Variants in SLC4A7 observed in about 807,000 individuals in gnomAD.
SLC4A7 encodes the protein solute carrier family 4 member 7.
Under a neutral mutation model 137.6 loss-of-function variants are expected in SLC4A7, and 51 were observed. The observed-to-expected ratio is 0.37, with a 90% confidence interval of 0.30 to 0.47. The LOEUF (loss-of-function observed/expected upper bound fraction) is 0.47, where lower values mean the gene tolerates loss of function less well. Among genes scored for constraint, SLC4A7 ranks in the 20% least tolerant of loss-of-function variants. SLC4A7 has a pLI of 1.00. For synonymous variants in SLC4A7, 542 were observed against 518.6 expected (o/e 1.05, Z -0.61); for missense variants, 1,247 against 1,525.4 (o/e 0.82, Z 3.04).
chr3:27,453,845 C>A (rs984355849), intron 1 of SLC4A7, among the ~76,000 whole-genome samples: 4 of 152,120 alleles, frequency 2.6e-5, no homozygotes, highest in African/African-American at 9.7e-5. Flanking sequence ...GGCTAGATAT[C>A]CAAACTGTAA....
At chr3:27,385,788 A>G in intron 23 of SLC4A7, 104 bp downstream of exon 23, 1 of 760,448 alleles carries the variant, frequency 1.3e-6, no homozygotes, top group South Asian at 2.1e-5. Context: ...TCTTAGAAGG[A>G]TGAAAGGAAC....
intron 7 of SLC4A7, 147 bp downstream of exon 7, chr3:27,431,151 A>C (rs1272436457): frequency 2.3e-6 from 2 of 883,046 alleles, no homozygotes; most frequent in Non-Finnish European, 3.2e-6. Context: ...AACACAATCT[A>C]TCATAAAGAA....
intron 1 of SLC4A7, among the ~76,000 whole-genome samples, chr3:27,459,984 TATATATAC>T (rs201228406): frequency 2.3e-3 from 229 of 98,532 alleles, no homozygotes; most frequent in South Asian, 7.3e-3. Context: ...TATATATATA[TATATATAC>T]ACACACACAC....
chr3:27,425,793 T>C (rs1456636635), intron 7 of SLC4A7, among the ~76,000 whole-genome samples: 1 of 152,132 alleles, frequency 6.6e-6, no homozygotes, highest in Non-Finnish European at 1.5e-5. Context: ...GCATCTCATT[T>C]TTTTCAAAAC....
chr3:27,398,837 A>G (rs940889902), intron 16 of SLC4A7, among the ~76,000 whole-genome samples: 2 of 152,220 alleles, frequency 1.3e-5, no homozygotes, highest in Admixed American at 6.5e-5. Flanking sequence ...AATCAGTAAT[A>G]AAAATTGTCT....
At chr3:27,407,380 T>C (rs1377462685) in intron 13 of SLC4A7, among the ~76,000 whole-genome samples, 1 of 151,102 alleles carries the variant, frequency 6.6e-6, no homozygotes, top group African/African-American at 2.4e-5. Context: ...CTCAGGAGAC[T>C]GAGGCAGGAG....
At chr3:27,398,058 C>T (rs2055122) in intron 17 of SLC4A7, 134 bp downstream of exon 17, 628,419 of 671,822 alleles carry the variant, frequency 0.94, 294,315 homozygotes, top group East Asian at 1. Flanking sequence ...TTTTTCACTA[C>T]GAATAATTTC....
chr3:27,441,849 T>C (rs1176780638), intron 3 of SLC4A7, among the ~76,000 whole-genome samples: 1 of 152,112 alleles, frequency 6.6e-6, no homozygotes, highest in Non-Finnish European at 1.5e-5. Flanking sequence ...TCATGTAAAT[T>C]ATCAATTTAG....
At chr3:27,397,401 T>A (rs554470822) in intron 18 of SLC4A7, among the ~76,000 whole-genome samples, 88 of 145,112 alleles carry the variant, frequency 6.1e-4, no homozygotes, top group African/African-American at 2.1e-3. Context: ...AGCAAAGACT[T>A]TTTTTTTTTT....
At chr3:27,391,618 G>C (rs1328668949) in intron 21 of SLC4A7, 122 bp downstream of exon 21, 1 of 645,116 alleles carries the variant, frequency 1.6e-6, no homozygotes, top group African/African-American at 1.8e-5. Flanking sequence ...TCATCAGTTA[G>C]AAAACTAACC....
At chr3:27,477,926 T>C (rs2059532672) in intron 1 of SLC4A7, among the ~76,000 whole-genome samples, 1 of 152,182 alleles carries the variant, frequency 6.6e-6, no homozygotes, top group African/African-American at 2.4e-5. Context: ...TCATGCTCTT[T>C]TGAAAACCAT....
chr3:27,384,889 C>T (rs1448351733), intron 23 of SLC4A7, among the ~76,000 whole-genome samples: 4 of 151,838 alleles, frequency 2.6e-5, no homozygotes, highest in East Asian at 1.9e-4. Flanking sequence ...TGCAGTGAGC[C>T]GAGATCATGC....
chr3:27,460,713 TAAAG>T (rs1326471477), intron 1 of SLC4A7, among the ~76,000 whole-genome samples: 1 of 152,204 alleles, frequency 6.6e-6, no homozygotes, highest in Non-Finnish European at 1.5e-5. Flanking sequence ...ATATGGGTGA[TAAAG>T]AAAACCTTTT....
At chr3:27,432,327 T>C (rs1356162598) in intron 6 of SLC4A7, among the ~76,000 whole-genome samples, 4 of 152,168 alleles carry the variant, frequency 2.6e-5, no homozygotes, top group Admixed American at 2.0e-4. Flanking sequence ...TCTAAAAATA[T>C]TAATAAATGT....
intron 3 of SLC4A7, among the ~76,000 whole-genome samples, chr3:27,439,819 C>T (rs1292359104): frequency 6.6e-6 from 1 of 152,108 alleles, no homozygotes; most frequent in Non-Finnish European, 1.5e-5. Context: ...AATATTCAGT[C>T]ATTAATTGTG....
rs142484761 is a variant in SLC4A7 at position 27,454,050 on chromosome 3, C to T, written c.61-1552G>A. ...GATGGGCTAGGTGTGGTGGTTCACA[C>T]CTGAAATCCCAGTACTTTGGGAGGC... is the stretch of plus-strand genomic sequence containing the variant. On this transcript the variant is annotated intron_variant, in intron 1 of 25. Coordinates refer to ENST00000454389, the MANE Select transcript of SLC4A7 (RefSeq NM_001321103.2). Among the ~76,000 whole-genome samples, 5 of 152,270 alleles carry T rather than the reference C, an allele frequency of 3.3e-5. No individual in the cohort carries two copies. In the East Asian group the frequency reaches 9.6e-4, roughly 29 times the overall value.
At chr3:27,392,816 A>G (rs1279395842) in intron 20 of SLC4A7, among the ~76,000 whole-genome samples, 3 of 151,888 alleles carry the variant, frequency 2.0e-5, no homozygotes, top group Non-Finnish European at 4.4e-5. Flanking sequence ...ATGGAGTGAG[A>G]CTCTGTCTCA....
At chr3:27,438,845 C>G (rs1008131820) in intron 3 of SLC4A7, among the ~76,000 whole-genome samples, 7 of 152,168 alleles carry the variant, frequency 4.6e-5, no homozygotes, top group African/African-American at 1.7e-4. Context: ...CAGAAACTGT[C>G]TTTTCCTACT....
chr3:27,411,672 T>G lies in SLC4A7; in HGVS notation c.1736A>C (p.His579Pro), dbSNP rs770993461. The G allele has an allele frequency of 1.2e-5, 18 of 1,565,064 alleles. No individual in the cohort carries two copies. The highest frequency in any genetic ancestry group is 1.6e-5 in the Non-Finnish European group (18 of 1,152,250). Residue 579 changes from histidine to proline, a missense_variant, in exon 12 of 26, where the codon CAT becomes CCT. His to Pro is a moderately conservative substitution (Grantham distance 77). This residue lies in a region of SLC4A7 where 499 missense variants were observed against 664.2 expected (regional missense o/e 0.75). Coordinates refer to ENST00000454389, the MANE Select transcript of SLC4A7 (RefSeq NM_001321103.2). ...AGTCCTCTGTAGCTCAGGCCCAGCA[T>G]GATGAGCGGCCTCTTTAGGAGTCTC... ...LGETPKEAAH[H>P]AGPELQRTGR...
Sources: allele counts gnomAD v4.1 joint callset (sites outside exome capture counted in the v4.1 genomes callset), GRCh38; gene constraint gnomAD v4.1.1; regional missense constraint gnomAD v4.1.1; transcripts MANE v1.5; gene names NCBI Gene and HGNC (gene_info 2026-07-23, HGNC 2026-07-21).